ZNF704: variants seen among roughly 807,000 people sequenced by gnomAD.
The protein encoded by ZNF704 is zinc finger protein 704, also known as glucocorticoid induced gene 1.
In ZNF704, 10 loss-of-function variants were observed where a neutral mutation model predicts 44.7. That is an observed-to-expected ratio of 0.22 (90% CI 0.14 to 0.38). The LOEUF (loss-of-function observed/expected upper bound fraction) is 0.38, where lower values mean the gene tolerates loss of function less well. ZNF704 is among the 10% of genes least tolerant of loss of function. The pLI is 1.00. For synonymous variants in ZNF704, 211 were observed against 207.6 expected, an observed-to-expected ratio of 1.02 and a Z score of -0.14; for missense variants, 390 against 545.5, an observed-to-expected ratio of 0.71 and a Z score of 2.84.
At chr8:80,852,223 C>T (rs1213890143) in intron 1 of ZNF704, among the ~76,000 whole-genome samples, 2 of 152,200 alleles carry the variant, frequency 1.3e-5, no homozygotes, top group African/African-American at 4.8e-5. Flanking sequence ...GAATGCAATA[C>T]TGGGCTTTCC....
chr8:80,826,234 C>G lies in ZNF704; in HGVS notation c.-21-4619G>C, dbSNP rs533439973. 2.4e-3 allele frequency among the ~76,000 whole-genome samples: 358 copies of G among 151,986 alleles called. 2 individuals carry two copies. Among genetic ancestry groups the G allele is most frequent in the African/African-American group, 8.0e-3 (332 of 41,474 alleles). ...GAATCAAATAGACACAATAAAAAAT[C>G]ATAAAGGAGATATCACCACCGATCC... is the stretch of plus-strand genomic sequence containing the variant. On this transcript the variant is annotated intron_variant, in intron 1 of 8. Transcript: ENST00000327835.
chr8:80,836,469 C>T (rs183817050), intron 1 of ZNF704, among the ~76,000 whole-genome samples: 11 of 152,262 alleles, frequency 7.2e-5, no homozygotes, highest in African/African-American at 2.6e-4. Context: ...ATATTCTATT[C>T]TATATCAGCT....
intron 6 of ZNF704, among the ~76,000 whole-genome samples, chr8:80,660,668 G>A (rs1221306269): frequency 1.3e-5 from 2 of 152,108 alleles, no homozygotes; most frequent in South Asian, 2.1e-4. Context: ...TGACCAAGGC[G>A]ATGAGAACAT....
chr8:80,675,243 A>C (rs1365422954), intron 4 of ZNF704, among the ~76,000 whole-genome samples: 1 of 152,236 alleles, frequency 6.6e-6, no homozygotes, highest in Non-Finnish European at 1.5e-5. Flanking sequence ...GAAGAGTTAA[A>C]AGCAGAGGCC....
At chr8:80,698,144 A>C (rs562399341) in intron 2 of ZNF704, among the ~76,000 whole-genome samples, 39 of 152,354 alleles carry the variant, frequency 2.6e-4, no homozygotes, top group Middle Eastern at 3.4e-3. Flanking sequence ...GAGAATTAAC[A>C]GTCTTTGTAA....
intron 2 of ZNF704, among the ~76,000 whole-genome samples, chr8:80,708,588 G>A (rs1818932468): frequency 6.6e-6 from 1 of 152,250 alleles, no homozygotes. Flanking sequence ...ATTGCTAAAA[G>A]TGATTGTATA....
rs780192534 is a variant in ZNF704 at position 80,638,725 on chromosome 8, C to T, written c.*2641G>A. The stretch of plus-strand genomic sequence containing the variant: ...GCTTGGTGGTCTACTAGTTATTCCA[C>T]GCCTTGGTCCAGGGAATATGTGTCT... On this transcript the variant is annotated 3_prime_UTR_variant, in exon 9 of 9. Coordinates refer to ENST00000327835, the MANE Select transcript of ZNF704 (RefSeq NM_001033723.3). The T allele has an allele frequency of 9.9e-5, 15 of 152,146 alleles. No homozygotes were observed. The highest frequency in any genetic ancestry group is 1.9e-4 in the Non-Finnish European group (13 of 68,052). The allele number at this position is 152,146 out of a possible 1,614,324, so 9.4% of individuals were successfully genotyped here.
chr8:80,882,361 T>C, the ZNF704 span, among the ~76,000 whole-genome samples: 1 of 152,252 alleles, frequency 6.6e-6, no homozygotes. Flanking sequence ...TTTATGTCTT[T>C]GATCATTAAT....
intron 2 of ZNF704, among the ~76,000 whole-genome samples, chr8:80,819,187 C>T (rs570896942): frequency 1.4e-4 from 21 of 152,140 alleles, no homozygotes; most frequent in Admixed American, 9.2e-4. Context: ...GATTTAAAAC[C>T]TAATTAACTT....
At chr8:80,702,246 C>T (rs1357921851) in intron 2 of ZNF704, among the ~76,000 whole-genome samples, 1 of 152,118 alleles carries the variant, frequency 6.6e-6, no homozygotes, top group Admixed American at 6.5e-5. Flanking sequence ...ATGCTTCTCT[C>T]TGGAGGTCTC....
intron 1 of ZNF704, among the ~76,000 whole-genome samples, chr8:80,846,287 C>T (rs754954562): frequency 3.0e-4 from 46 of 152,066 alleles, no homozygotes; most frequent in Non-Finnish European, 6.0e-4. Flanking sequence ...AGCAACTATT[C>T]ATTTCCTAAG....
chr8:80,735,795 A>G (rs1167991549), intron 2 of ZNF704, among the ~76,000 whole-genome samples: 1 of 152,224 alleles, frequency 6.6e-6, no homozygotes, highest in Non-Finnish European at 1.5e-5. Context: ...CATGTTTTCA[A>G]TGTAAAATAT....
chr8:80,785,552 G>C (rs1807599815), intron 2 of ZNF704, among the ~76,000 whole-genome samples: 1 of 152,016 alleles, frequency 6.6e-6, no homozygotes, highest in Admixed American at 6.6e-5. Flanking sequence ...TATACATACG[G>C]ACTCATGGGC....
At chr8:80,790,350 G>A (rs748243445) in intron 2 of ZNF704, among the ~76,000 whole-genome samples, 3 of 152,114 alleles carry the variant, frequency 2.0e-5, no homozygotes, top group African/African-American at 7.2e-5. Flanking sequence ...ATGGATCAGT[G>A]GAGAGAAGGA....
At chr8:80,730,621 CAAT>C (rs1448159434) in intron 2 of ZNF704, among the ~76,000 whole-genome samples, 1 of 135,740 alleles carries the variant, frequency 7.4e-6, no homozygotes, top group African/African-American at 2.7e-5. Flanking sequence ...TAATTACCAA[CAAT>C]AATAATGTAT....
chr8:80,707,853 A>G (rs1354300634), intron 2 of ZNF704, among the ~76,000 whole-genome samples: 1 of 152,234 alleles, frequency 6.6e-6, no homozygotes, highest in Non-Finnish European at 1.5e-5. Context: ...ATTCAGTAAT[A>G]CCTACCATGC....
At chr8:80,798,023 G>C (rs899860509) in intron 2 of ZNF704, among the ~76,000 whole-genome samples, 4 of 152,008 alleles carry the variant, frequency 2.6e-5, no homozygotes, top group Admixed American at 6.6e-5. Context: ...TCTTCTGCCA[G>C]ATATCCTAAT....
chr8:80,873,272 C>T (rs1171021647), intron 1 of ZNF704, among the ~76,000 whole-genome samples: 1 of 152,156 alleles, frequency 6.6e-6, no homozygotes, highest in Non-Finnish European at 1.5e-5. Context: ...CGCCCTTTCC[C>T]GGCACCCACA....
At chr8:80,735,526 A>G (rs938935904) in intron 2 of ZNF704, among the ~76,000 whole-genome samples, 3 of 152,222 alleles carry the variant, frequency 2.0e-5, no homozygotes, top group African/African-American at 7.2e-5. Context: ...CCTTTTAAAT[A>G]TATTCAACTT....
Sources: gnomAD v4.1 joint callset for allele counts (sites outside exome capture counted in the v4.1 genomes callset) on GRCh38, gnomAD v4.1.1 for gene constraint, MANE v1.5 for transcripts, NCBI Gene and HGNC (gene_info 2026-07-23, HGNC 2026-07-21) for gene names.